Variants in PAK3 observed in about 807,000 individuals in gnomAD.
PAK3 encodes the protein p21 (RAC1) activated kinase 3.
PAK3 carries 4 observed loss-of-function variants against 41.0 expected under a neutral mutation model. The ratio of observed to expected loss-of-function variants is 0.10; its 90% confidence interval spans 0.05 to 0.22. The LOEUF is 0.22. Among genes scored for constraint, PAK3 ranks in the 10% least tolerant of loss-of-function variants. The probability of loss-of-function intolerance (pLI) is 1.00; values close to 1 mark genes in which losing one functional copy is unlikely to be tolerated. For missense variants in PAK3, 205 were observed against 409.9 expected (o/e 0.50, Z 4.32); for synonymous variants, 146 against 139.6 (o/e 1.05, Z -0.32).
chrX:111,036,706 A>G (rs749058340), intron 1 of PAK3, among the ~76,000 whole-genome samples: 4 of 111,830 alleles, frequency 3.6e-5, no homozygotes, highest in Non-Finnish European at 5.6e-5. Context: ...ATCTTGTCCA[A>G]TTTATAGTAA....
At chrX:111,071,482 C>T (rs919307129) in intron 1 of PAK3, among the ~76,000 whole-genome samples, 2 of 111,644 alleles carry the variant, frequency 1.8e-5, no homozygotes, top group Admixed American at 9.6e-5. Context: ...ATAATGACTA[C>T]CACATGTAAG....
At chrX:111,163,400 C>T (rs1345498626) in intron 9 of PAK3, among the ~76,000 whole-genome samples, 162 bp from the exon 10 acceptor site, 1 of 111,053 alleles carries the variant, frequency 9.0e-6, no homozygotes, top group Non-Finnish European at 1.9e-5. Flanking sequence ...AGACTAGCTC[C>T]CATGATCTTT....
intron 1 of PAK3, among the ~76,000 whole-genome samples, chrX:110,992,881 T>C (rs982105690): frequency 8.9e-6 from 1 of 111,956 alleles, no homozygotes; most frequent in Admixed American, 9.4e-5. Flanking sequence ...ATACTTGAGA[T>C]TTGAAGGCAG....
At chrX:111,171,386 T>A (rs768634091) in intron 10 of PAK3, among the ~76,000 whole-genome samples, 2 of 110,625 alleles carry the variant, frequency 1.8e-5, no homozygotes, top group South Asian at 7.6e-4. Flanking sequence ...AAATAAATGA[T>A]GCCCTTCAAA....
chrX:110,974,912 A>T (rs4893403), intron 1 of PAK3, among the ~76,000 whole-genome samples: 1 of 110,901 alleles, frequency 9.0e-6, no homozygotes, highest in East Asian at 2.8e-4. Flanking sequence ...ATTCAACAGC[A>T]CTTCATGCTA....
At chrX:110,971,884 T>C (rs775408473) in intron 1 of PAK3, among the ~76,000 whole-genome samples, 2 of 111,748 alleles carry the variant, frequency 1.8e-5, no homozygotes, top group African/African-American at 6.5e-5. Flanking sequence ...ACTTCATTAT[T>C]TTGTATGTGG....
At chrX:111,161,144 T>A (rs948189005) in intron 8 of PAK3, among the ~76,000 whole-genome samples, 1 of 111,867 alleles carries the variant, frequency 8.9e-6, no homozygotes, top group African/African-American at 3.3e-5. Flanking sequence ...CCTGACTTTT[T>A]AATGATCGCC....
intron 1 of PAK3, among the ~76,000 whole-genome samples, chrX:111,067,406 G>T (rs1249506917): frequency 9.0e-6 from 1 of 111,586 alleles, no homozygotes; most frequent in East Asian, 2.8e-4. Context: ...GATGAGAAAA[G>T]TGAAGCTCAG....
chrX:111,223,986 C>T lies in PAK3; in HGVS notation c.*3539C>T, dbSNP rs2094940475. ...TTGATATTGTTATAATATTGCTTTA[C>T]AATAAATAAACAGCAGAAAGGGAAC... On this transcript the variant is annotated 3_prime_UTR_variant, in exon 18 of 18. Coordinates refer to ENST00000372007, the MANE Select transcript of PAK3 (RefSeq NM_002578.5). The T allele has an allele frequency of 9.0e-6, 1 of 111,151 alleles. No homozygotes were observed. Among genetic ancestry groups the T allele is most frequent in the Non-Finnish European group, 1.9e-5 (1 of 53,018 alleles). 9.2% of individuals were successfully genotyped at this position (111,151 alleles called of 1,213,427 possible). A position where few individuals can be genotyped will look rare whatever the true frequency, so the allele number is the denominator to read the frequency against.
chrX:111,217,155 T>C (rs1419459523), intron 17 of PAK3: 3 of 399,929 alleles, frequency 7.5e-6, no homozygotes, highest in African/African-American at 5.5e-5. Flanking sequence ...AACAACTTTA[T>C]AGGGTAGGCA....
At chrX:110,953,142 T>C (rs2090780327) in intron 1 of PAK3, among the ~76,000 whole-genome samples, 1 of 112,231 alleles carries the variant, frequency 8.9e-6, no homozygotes, top group Non-Finnish European at 1.9e-5. Flanking sequence ...ACATTGTTTT[T>C]TTAACTCTGA....
intron 11 of PAK3, among the ~76,000 whole-genome samples, chrX:111,187,020 C>T (rs1320266322): frequency 9.0e-6 from 1 of 111,391 alleles, no homozygotes; most frequent in Non-Finnish European, 1.9e-5. Context: ...AAGATCCCTT[C>T]AATTATTTGT....
intron 14 of PAK3, 140 bp downstream of exon 14, chrX:111,194,558 A>G (rs1380577755): frequency 1.9e-6 from 1 of 531,584 alleles, no homozygotes; most frequent in Non-Finnish European, 3.4e-6. Flanking sequence ...GCCAACTTCA[A>G]TTTAAATTCT....
In PAK3 at chrX:111,226,846, A is replaced by C. The variant is rs1431108611; in HGVS notation, c.*6399A>C. 8.9e-6 allele frequency: 1 copy of C among 111,997 alleles called. No homozygotes were observed. The highest frequency in any genetic ancestry group is 1.9e-5 in the Non-Finnish European group (1 of 53,233). 9.2% of individuals were successfully genotyped at this position (111,997 alleles called of 1,213,427 possible). ...AATACCATATTCATTATTGATGATA[A>C]GATCTTCACAGAATCCTGTAGCTAC... On this transcript the variant is annotated 3_prime_UTR_variant, in exon 18 of 18. Coordinates refer to ENST00000372007, the MANE Select transcript of PAK3 (RefSeq NM_002578.5).
At chrX:111,098,768 CAA>C (rs754247810) in intron 3 of PAK3, 6 of 90,950 alleles carry the variant, frequency 6.6e-5, no homozygotes, top group Non-Finnish European at 6.7e-5. Flanking sequence ...GACCCCTGCT[CAA>C]AAAAAAAAAA....
At chrX:110,988,870 G>T (rs113178130) in intron 1 of PAK3, among the ~76,000 whole-genome samples, 1,329 of 112,089 alleles carry the variant, frequency 0.012, 18 homozygotes, top group African/African-American at 0.041. Flanking sequence ...TGGGTTTATG[G>T]GATGTTTAGC....
chrX:110,983,492 G>GAGAGAGAGAGA (rs57629808), intron 1 of PAK3, among the ~76,000 whole-genome samples: 1 of 98,694 alleles, frequency 1.0e-5, no homozygotes, highest in African/African-American at 3.7e-5. Flanking sequence ...GAGAGAGAGA[G>GAGAGAGAGAGA]GATGTGTGTG....
At chrX:111,155,380 A>G (rs149311345) in intron 8 of PAK3, among the ~76,000 whole-genome samples, 1,611 of 109,731 alleles carry the variant, frequency 0.015, 29 homozygotes, top group African/African-American at 0.05. Flanking sequence ...GCACACCTGC[A>G]GTCCCAACTA....
chrX:111,108,417 C>A (rs913918659), intron 4 of PAK3, among the ~76,000 whole-genome samples: 1 of 112,168 alleles, frequency 8.9e-6, no homozygotes, highest in Non-Finnish European at 1.9e-5. Flanking sequence ...GGACTGCAGA[C>A]CAGTGCTGGT....
Sources: gnomAD v4.1 joint callset for allele counts (sites outside exome capture counted in the v4.1 genomes callset) on GRCh38, gnomAD v4.1.1 for gene constraint, MANE v1.5 for transcripts, NCBI Gene and HGNC (gene_info 2026-07-23, HGNC 2026-07-21) for gene names.